Variants in ATP8A2 observed in about 807,000 individuals in gnomAD.
ATP8A2 encodes ATPase phospholipid transporting 8A2.
Under a neutral mutation model 165.6 loss-of-function variants are expected in ATP8A2, and 100 were observed. The ratio of observed to expected loss-of-function variants is 0.60; its 90% CI spans 0.51 to 0.71. The LOEUF (loss-of-function observed/expected upper bound fraction) is 0.71. Ranked by LOEUF, ATP8A2 falls within the 30% of genes least tolerant of loss-of-function variation. The probability of loss-of-function intolerance (pLI) is 0.00; values close to 1 mark genes in which losing one functional copy is unlikely to be tolerated. For missense variants in ATP8A2, 1,227 were observed against 1,479.5 expected (o/e 0.83, Z 2.80); for synonymous variants, 543 against 548.8 (o/e 0.99, Z 0.15).
intron 2 of ATP8A2, among the ~76,000 whole-genome samples, chr13:25,477,149 A>T (rs903623178): frequency 3.3e-5 from 5 of 152,100 alleles, no homozygotes; most frequent in Admixed American, 6.6e-5. Flanking sequence ...TATCAAGTTG[A>T]CCCCTGTGTG....
chr13:25,430,221 G>T (rs1254779470), intron 1 of ATP8A2, among the ~76,000 whole-genome samples: 1 of 152,070 alleles, frequency 6.6e-6, no homozygotes, highest in Admixed American at 6.6e-5. Flanking sequence ...AGAAAAAGAG[G>T]CTGTGACCTC....
chr13:25,827,363 C>T (rs747176082), intron 27 of ATP8A2, among the ~76,000 whole-genome samples: 7 of 152,182 alleles, frequency 4.6e-5, no homozygotes, highest in Admixed American at 1.3e-4. Context: ...CCGCCAACCT[C>T]GGCTTCCCAG....
At chr13:25,412,439 G>A (rs992053894) in intron 1 of ATP8A2, among the ~76,000 whole-genome samples, 1 of 152,180 alleles carries the variant, frequency 6.6e-6, no homozygotes, top group African/African-American at 2.4e-5. Context: ...GCATCTGATT[G>A]TTTGGAGATC....
intron 25 of ATP8A2, among the ~76,000 whole-genome samples, chr13:25,724,265 A>T (rs1234648853): frequency 6.6e-6 from 1 of 152,208 alleles, no homozygotes; most frequent in Non-Finnish European, 1.5e-5. Context: ...AACTTCCAGA[A>T]GGTAATTGGG....
chr13:25,631,529 GATA>G (rs1262716074), intron 24 of ATP8A2, among the ~76,000 whole-genome samples: 2 of 152,080 alleles, frequency 1.3e-5, no homozygotes, highest in Non-Finnish European at 2.9e-5. Context: ...TCAAGTGCTG[GATA>G]ATGATTATAT....
In ATP8A2 at chr13:25,543,366, A is replaced by C. The variant is rs746718942; in HGVS notation, c.855A>C (p.Ile285=). The change falls in exon 10 of 37, where the codon ATA becomes ATC. Residue 285 remains isoleucine (I), a synonymous_variant. Transcript: ENST00000381655. ...QLRNTQWVFG[I]VVYTGHDTKL... is the part of the protein sequence containing the mutation. ...GAAATACTCAGTGGGTCTTTGGCATAGTTGTTTATACTGGACACGACACCA... is the reference window on the plus strand; with the variant it reads ...GAAATACTCAGTGGGTCTTTGGCATCGTTGTTTATACTGGACACGACACCA... The C allele has an allele frequency of 1.9e-6, 3 of 1,612,750 alleles. No homozygotes were observed. The African/African-American group carries it at 4.0e-5, about 22-fold the overall frequency.
Position 25,543,307 on chromosome 13 carries a change from C to G in ATP8A2, c.796C>G (p.Pro266Ala), listed in dbSNP as rs1259711853. 4 of 1,608,236 alleles carry G rather than the reference C, an allele frequency of 2.5e-6. No homozygotes were observed. The African/African-American group carries it at 5.3e-5, about 21-fold the overall frequency. ...TATTTTTAGCCTTGTTGCCCTTGGG[C>G]CTGACCAGATCTTATTAAGAGGTAC... The part of the protein sequence containing the change: ...LDGKSLVALG[P>A]DQILLRGTQL... The change falls in exon 10 of 37, where the codon CCT (proline) becomes GCT (alanine). Residue 266 changes from proline (P) to alanine (A), a missense_variant. This residue lies in a region of ATP8A2 where 356 missense variants were observed against 394.9 expected (regional missense o/e 0.90). Coordinates refer to ENST00000381655, the MANE Select transcript of ATP8A2 (RefSeq NM_016529.6).
intron 27 of ATP8A2, among the ~76,000 whole-genome samples, chr13:25,809,260 A>G (rs932693): frequency 0.18 from 27,456 of 152,082 alleles, 2,656 homozygotes; most frequent in Middle Eastern, 0.22. Flanking sequence ...GACATGATCA[A>G]TGGAAGCCCA....
intron 24 of ATP8A2, among the ~76,000 whole-genome samples, chr13:25,677,651 G>A (rs955573339): frequency 4.6e-5 from 7 of 152,276 alleles, no homozygotes; most frequent in Middle Eastern, 3.4e-3. Context: ...TTGGTGAAGG[G>A]TAAGGTGAAT....
chr13:25,387,984 G>T (rs1269219300), intron 1 of ATP8A2, among the ~76,000 whole-genome samples: 1 of 151,980 alleles, frequency 6.6e-6, no homozygotes, highest in African/African-American at 2.4e-5. Context: ...ATTCACTTGA[G>T]CCTGGGAGGC....
At chr13:25,885,171 G>C (rs1477222462) in intron 33 of ATP8A2, among the ~76,000 whole-genome samples, 2 of 144,998 alleles carry the variant, frequency 1.4e-5, no homozygotes, top group African/African-American at 2.6e-5. Context: ...GGAGTGCAGT[G>C]GTGCGATCTT....
chr13:25,976,230 T>A (rs557029253), intron 35 of ATP8A2, among the ~76,000 whole-genome samples: 1 of 152,132 alleles, frequency 6.6e-6, no homozygotes, highest in Non-Finnish European at 1.5e-5. Context: ...TGCTGAGACC[T>A]GTCTTCCTGG....
chr13:25,373,811 T>C (rs1354643657), intron 1 of ATP8A2, among the ~76,000 whole-genome samples: 3 of 152,014 alleles, frequency 2.0e-5, no homozygotes, highest in Non-Finnish European at 2.9e-5. Context: ...GATTTATGAG[T>C]CTGGGGCTCC....
chr13:25,900,410 G>T, intron 33 of ATP8A2, among the ~76,000 whole-genome samples: 1 of 152,182 alleles, frequency 6.6e-6, no homozygotes, highest in Non-Finnish European at 1.5e-5. Context: ...GTCCCAAGGT[G>T]GTCGTCAGTG....
At chr13:25,541,161 G>A (rs535199694) in intron 8 of ATP8A2, among the ~76,000 whole-genome samples, 19 of 152,068 alleles carry the variant, frequency 1.2e-4, no homozygotes, top group Non-Finnish European at 2.4e-4. Context: ...TACTGCACCT[G>A]GCCAAGAATG....
intron 1 of ATP8A2, among the ~76,000 whole-genome samples, chr13:25,468,169 G>T (rs936764177): frequency 1.3e-5 from 2 of 152,170 alleles, no homozygotes; most frequent in African/African-American, 2.4e-5. Flanking sequence ...TTATTGGGGG[G>T]CAGGGGTTTG....
intron 1 of ATP8A2, among the ~76,000 whole-genome samples, chr13:25,468,546 G>A (rs892545171): frequency 6.6e-6 from 1 of 152,214 alleles, no homozygotes; most frequent in Admixed American, 6.5e-5. Flanking sequence ...CAGTTCCAGA[G>A]CTCAGTTCCC....
intron 16 of ATP8A2, among the ~76,000 whole-genome samples, chr13:25,568,980 T>C (rs140391552): frequency 2.6e-5 from 4 of 152,328 alleles, no homozygotes; most frequent in Admixed American, 6.5e-5. Context: ...GCTTACCATT[T>C]GAGGTAGAAG....
intron 2 of ATP8A2, among the ~76,000 whole-genome samples, chr13:25,521,263 G>T (rs1454522206): frequency 7.2e-5 from 11 of 151,748 alleles, no homozygotes; most frequent in Admixed American, 7.2e-4. Context: ...TTATATTCTG[G>T]TTATATTCTC....
Sources: gnomAD v4.1 joint callset for allele counts (sites outside exome capture counted in the v4.1 genomes callset) on GRCh38, gnomAD v4.1.1 for gene constraint, gnomAD v4.1.1 regional missense constraint, MANE v1.5 for transcripts, NCBI Gene and HGNC (gene_info 2026-07-23, HGNC 2026-07-21) for gene names.